CDK17: variants seen among roughly 807,000 people sequenced by gnomAD.
CDK17 encodes cyclin-dependent kinase 17.
CDK17 carries 24 observed loss-of-function variants against 77.6 expected under a neutral mutation model. The ratio of observed to expected loss-of-function variants is 0.31; its 90% CI spans 0.22 to 0.44. CDK17 has a LOEUF of 0.44. Ranked by LOEUF, CDK17 falls within the 20% of genes least tolerant of loss-of-function variation. CDK17 has a pLI of 1.00. For synonymous variants in CDK17, 203 were observed against 210.4 expected (o/e 0.96, Z 0.30); for missense variants, 429 against 622.5 (o/e 0.69, Z 3.31).
At chr12:96,313,290 A>G (rs1361161663) in intron 4 of CDK17, 31 bp downstream of exon 4, 1 of 1,537,086 alleles carries the variant, frequency 6.5e-7, no homozygotes, top group Non-Finnish European at 8.7e-7. Context: ...ACACATATTC[A>G]CAAGTATATT....
chr12:96,345,615 T>C (rs1002614070), intron 1 of CDK17, among the ~76,000 whole-genome samples: 2 of 152,104 alleles, frequency 1.3e-5, no homozygotes, highest in Non-Finnish European at 2.9e-5. Flanking sequence ...ACATAAAATA[T>C]AAAAAGGTAA....
chr12:96,280,777 C>T (rs201367937), intron 16 of CDK17, 31 bp downstream of exon 16: 1,078 of 1,604,718 alleles, frequency 6.7e-4, no homozygotes, highest in Non-Finnish European at 8.1e-4. Flanking sequence ...AATTCATGAT[C>T]GACACGTGAA....
chr12:96,280,436 G>A (rs1952160625), intron 16 of CDK17, 157 bp from the exon 17 acceptor site: 1 of 1,434,566 alleles, frequency 7.0e-7, no homozygotes, highest in South Asian at 1.6e-5. Context: ...CTGTTGACGG[G>A]GTCAGTCTAC....
chr12:96,377,897 G>T (rs913486109), intron 1 of CDK17, among the ~76,000 whole-genome samples: 3 of 152,106 alleles, frequency 2.0e-5, no homozygotes, highest in Non-Finnish European at 2.9e-5. Context: ...GTTTCACCGT[G>T]TTAGCCAGGA....
chr12:96,359,269 C>G (rs943531301), intron 1 of CDK17, among the ~76,000 whole-genome samples: 3 of 152,160 alleles, frequency 2.0e-5, no homozygotes, highest in Non-Finnish European at 2.9e-5. Flanking sequence ...CTGTTTTTAT[C>G]TGAGATGTGT....
chr12:96,280,119 G>T lies in CDK17; in HGVS notation c.*123C>A. On this transcript the variant is annotated 3_prime_UTR_variant, in exon 17 of 17. Coordinates refer to ENST00000261211, the MANE Select transcript of CDK17 (RefSeq NM_002595.5). Reference sequence around the variant, plus strand: ...AGGTCTGAAATAAAAAGACTCCACTGTGAAGAGGACAGTGTAGACAAACGG... The same window carrying T: ...AGGTCTGAAATAAAAAGACTCCACTTTGAAGAGGACAGTGTAGACAAACGG... The T allele has an allele frequency of 1.1e-6, 1 of 901,782 alleles. No homozygotes were observed. The highest frequency in any genetic ancestry group is 1.7e-5 in the African/African-American group (1 of 57,786). The allele number at this position is 901,782 out of a possible 1,614,324, so 55.9% of individuals were successfully genotyped here.
At position 96,357,017 on chromosome 12, in the gene CDK17, T is replaced by TCAG. The variant is rs1201241392; in HGVS notation, c.-29-22155_-29-22153dup. ...AAACAGCTGTTCAGTTTCAGAGAAT[T>TCAG]CAGATAGTGATCTATTAGAAATGTC... On this transcript the variant is annotated intron_variant, in intron 1 of 16. Transcript: ENST00000261211. Among the ~76,000 whole-genome samples the TCAG allele has an allele frequency of 3.3e-5, 5 of 152,318 alleles. No homozygotes were observed. The East Asian group carries it at 9.6e-4, about 29-fold the overall frequency.
intron 1 of CDK17, among the ~76,000 whole-genome samples, chr12:96,393,119 C>T (rs923533445): frequency 3.3e-5 from 5 of 151,942 alleles, no homozygotes; most frequent in Non-Finnish European, 5.9e-5. Flanking sequence ...AATCCCAGCA[C>T]TTTGGGAAGC....
In CDK17 at chr12:96,400,373, G is replaced by C. The variant is rs1056660475; in HGVS notation, c.-417C>G. ...TCTGCGGCGGCCCGCGGGGAGCTCA[G>C]GAGACTGCGGGCGGCCGCGTTCGCT... On this transcript the variant is annotated 5_prime_UTR_variant, in exon 1 of 17. Coordinates refer to ENST00000261211, the MANE Select transcript of CDK17 (RefSeq NM_002595.5). The C allele has an allele frequency of 2.6e-6, 1 of 385,476 alleles. No homozygotes were observed. Among genetic ancestry groups the C allele is most frequent in the African/African-American group, 2.1e-5 (1 of 48,040 alleles). 23.9% of individuals were successfully genotyped at this position (385,476 alleles called of 1,614,324 possible).
At chr12:96,372,438 T>C (rs1953710095) in intron 1 of CDK17, among the ~76,000 whole-genome samples, 1 of 152,018 alleles carries the variant, frequency 6.6e-6, no homozygotes, top group African/African-American at 2.4e-5. Context: ...TGGTGAGGGG[T>C]GGGAGGCACT....
chr12:96,381,117 A>G (rs990986318), intron 1 of CDK17, among the ~76,000 whole-genome samples: 1 of 151,918 alleles, frequency 6.6e-6, no homozygotes, highest in East Asian at 1.9e-4. Context: ...AAACTAATAC[A>G]CTCTATCATA....
chr12:96,343,100 A>C (rs868245438), intron 1 of CDK17, among the ~76,000 whole-genome samples: 4 of 152,262 alleles, frequency 2.6e-5, no homozygotes, highest in Non-Finnish European at 4.4e-5. Context: ...TACCATAAGA[A>C]AGACAATATT....
chr12:96,298,769 C>A, intron 7 of CDK17, 100 bp downstream of exon 7: 1 of 604,014 alleles, frequency 1.7e-6, no homozygotes, highest in Non-Finnish European at 2.8e-6. Flanking sequence ...TTACATCTTC[C>A]AGTCATTTAT....
chr12:96,280,450 T>C (rs1952160964), intron 16 of CDK17, 171 bp from the exon 17 acceptor site: 1 of 1,425,384 alleles, frequency 7.0e-7, no homozygotes, highest in Admixed American at 3.0e-5. Flanking sequence ...AGTCTACAGC[T>C]TCTATGCTTC....
intron 5 of CDK17, among the ~76,000 whole-genome samples, chr12:96,305,752 T>C (rs1339817724): frequency 1.3e-5 from 2 of 152,106 alleles, no homozygotes; most frequent in Non-Finnish European, 2.9e-5. Flanking sequence ...GGTCTCTTGC[T>C]CTGTCGACAA....
At chr12:96,360,618 G>A (rs1953478295) in intron 1 of CDK17, among the ~76,000 whole-genome samples, 1 of 152,130 alleles carries the variant, frequency 6.6e-6, no homozygotes, top group South Asian at 2.1e-4. Context: ...AGGAACTAAG[G>A]ACAGAGAGAC....
chr12:96,287,854 G>T (rs1287126099), intron 11 of CDK17, among the ~76,000 whole-genome samples: 1 of 152,094 alleles, frequency 6.6e-6, no homozygotes, highest in Non-Finnish European at 1.5e-5. Flanking sequence ...AGGAAATTCT[G>T]GCATACACTA....
chr12:96,297,434 G>T, intron 8 of CDK17, 102 bp from the exon 9 acceptor site: 1 of 785,258 alleles, frequency 1.3e-6, no homozygotes, highest in South Asian at 1.6e-5. Context: ...TTCAAGAAAA[G>T]ATACTGGATG....
chr12:96,301,763 T>C (rs938135863), intron 5 of CDK17, among the ~76,000 whole-genome samples: 1 of 152,186 alleles, frequency 6.6e-6, no homozygotes, highest in African/African-American at 2.4e-5. Context: ...GCAATTTTCC[T>C]TGGAACTGTG....
Sources: allele counts gnomAD v4.1 joint callset (sites outside exome capture counted in the v4.1 genomes callset), GRCh38; gene constraint gnomAD v4.1.1; transcripts MANE v1.5; gene names NCBI Gene and HGNC (gene_info 2026-07-23, HGNC 2026-07-21).